Variants in TMEM132E observed in about 807,000 individuals in gnomAD.
TMEM132E encodes the protein transmembrane protein 132E.
In TMEM132E, 49 loss-of-function variants were observed where a neutral mutation model predicts 78.5. The observed-to-expected ratio is 0.62, with a 90% CI of 0.50 to 0.79. TMEM132E has a LOEUF of 0.79. Among genes scored for constraint, TMEM132E ranks in the 30% least tolerant of loss-of-function variants. TMEM132E has a pLI of 0.00. For synonymous variants in TMEM132E, 715 were observed against 670.6 expected (o/e 1.07, Z -1.02); for missense variants, 1,403 against 1,470.9 (o/e 0.95, Z 0.75).
chr17:34,602,781 A>G (rs760304799), intron 1 of TMEM132E, among the ~76,000 whole-genome samples: 6 of 152,214 alleles, frequency 3.9e-5, no homozygotes, highest in Non-Finnish European at 8.8e-5. Flanking sequence ...TCCACGAAGG[A>G]GAGAATTAGC....
In TMEM132E at chr17:34,581,968, C is replaced by T. The variant is rs911439352; in HGVS notation, c.67+825C>T. On this transcript the variant is annotated intron_variant, in intron 1 of 8. Transcript: ENST00000631683. ...CAGCCCCCAAGAATGGGAAATCAGA[C>T]CAGAGGGAAGGAGGCTGCAGCGGGC... 2.0e-5 allele frequency among the ~76,000 whole-genome samples: 3 copies of T among 152,076 alleles called. No individual in the cohort carries two copies. In the East Asian group the frequency reaches 5.9e-4, roughly 30 times the overall value.
At chr17:34,625,316 G>A (rs1013985495) in intron 1 of TMEM132E, among the ~76,000 whole-genome samples, 2 of 152,108 alleles carry the variant, frequency 1.3e-5, no homozygotes, top group Non-Finnish European at 2.9e-5. Context: ...GGGAGACTGA[G>A]GATAAAATTT....
At position 34,633,469 on chromosome 17, in the gene TMEM132E, G is replaced by A. The variant is rs111893987; in HGVS notation, c.1688+560G>A. 3.6e-3 allele frequency among the ~76,000 whole-genome samples: 542 copies of A among 152,370 alleles called. 7 individuals carry two copies. The highest frequency in any genetic ancestry group is 0.013 in the African/African-American group (523 of 41,594). On this transcript the variant is annotated intron_variant, in intron 6 of 8. Transcript: ENST00000631683. ...GTGACTCATACCCAGGCTCCCTTGC[G>A]GGCTTGTAGGCTCAGGCACCTGGGT...
intron 8 of TMEM132E, 105 bp from the exon 9 acceptor site, chr17:34,637,072 G>T: frequency 1.0e-6 from 1 of 974,342 alleles, no homozygotes; most frequent in South Asian, 1.6e-5. Context: ...ATACAGCAGG[G>T]AGCCAGAGAC....
chr17:34,638,983 G>T lies in TMEM132E; in HGVS notation c.*751G>T, dbSNP rs143556170. The T allele has an allele frequency of 2.5e-3, 382 of 152,744 alleles. 5 individuals carry two copies. The East Asian group carries it at 0.049, about 19-fold the overall frequency. 9.5% of individuals were successfully genotyped at this position (152,744 alleles called of 1,614,324 possible). ...AATCACACCCCAGAGCCAGAGGCCT[G>T]GGGACCTCCTTGCCTTCCCCGTCCC... On this transcript the variant is annotated 3_prime_UTR_variant, in exon 9 of 9. Coordinates refer to ENST00000631683, the MANE Select transcript of TMEM132E (RefSeq NM_001304438.2).
intron 1 of TMEM132E, among the ~76,000 whole-genome samples, chr17:34,613,172 T>TACA (rs1416893742): frequency 1.1e-3 from 120 of 112,466 alleles, no homozygotes; most frequent in South Asian, 2.9e-3. Context: ...TCTCTCTCTC[T>TACA]CTACACACAC....
chr17:34,632,044 G>T (rs1479697818), intron 5 of TMEM132E, among the ~76,000 whole-genome samples: 1 of 152,194 alleles, frequency 6.6e-6, no homozygotes, highest in Non-Finnish European at 1.5e-5. Context: ...AGGTGGGCAG[G>T]CATTTACAAC....
intron 1 of TMEM132E, among the ~76,000 whole-genome samples, chr17:34,599,041 A>T (rs1321195624): frequency 6.6e-6 from 1 of 152,236 alleles, no homozygotes; most frequent in Non-Finnish European, 1.5e-5. Context: ...GGATGAAAAT[A>T]ACTAGCACTG....
intron 1 of TMEM132E, among the ~76,000 whole-genome samples, chr17:34,605,191 C>A (rs530899413): frequency 1.2e-4 from 18 of 152,294 alleles, no homozygotes; most frequent in African/African-American, 3.6e-4. Flanking sequence ...GATTCAGGTC[C>A]CTTGTCACCT....
intron 6 of TMEM132E, among the ~76,000 whole-genome samples, chr17:34,634,078 T>C (rs1186443876): frequency 3.9e-5 from 6 of 152,238 alleles, no homozygotes; most frequent in Non-Finnish European, 1.5e-5. Flanking sequence ...TGAATGAATA[T>C]TCTGGTTGCT....
rs559404015 is a variant in TMEM132E, at chr17:34,629,060, G to A, written c.1194G>A (p.Glu398=). ...LEILQLDFEM[E]NFTSQSVKRR... is the part of the protein sequence containing the mutation. ...TCTTGCAGCTGGACTTTGAAATGGAGAACTTCACCAGCCAGTCAGTCAAGC... is the reference window on the plus strand; with the variant it reads ...TCTTGCAGCTGGACTTTGAAATGGAAAACTTCACCAGCCAGTCAGTCAAGC... Residue 398 remains glutamate (E), a synonymous_variant, in exon 4 of 9, where the codon GAG becomes GAA. Transcript: ENST00000631683. 6 of 1,595,320 alleles carry A rather than the reference G, an allele frequency of 3.8e-6. No individual in the cohort carries two copies. The highest frequency in any genetic ancestry group is 2.3e-5 in the East Asian group (1 of 44,336).
chr17:34,636,675 C>A (rs917111228), intron 8 of TMEM132E, among the ~76,000 whole-genome samples: 1 of 152,144 alleles, frequency 6.6e-6, no homozygotes. Context: ...CACTCCATCA[C>A]CCCAAGGCAA....
Position 34,588,068 on chromosome 17 carries a change from T to C in TMEM132E, c.67+6925T>C, listed in dbSNP as rs371269252. ...AGGGCCCACTGACCCTCCAGTTTCC[T>C]CTGAGCCTTTCTCTTCCCTTGCCCT... On this transcript the variant is annotated intron_variant, in intron 1 of 8. Coordinates refer to ENST00000631683, the MANE Select transcript of TMEM132E (RefSeq NM_001304438.2). Among the ~76,000 whole-genome samples the C allele has an allele frequency of 3.9e-4, 60 of 152,342 alleles. 2 individuals carry two copies. The South Asian group carries it at 0.011, about 29-fold the overall frequency.
At chr17:34,597,544 G>A (rs1276818309) in intron 1 of TMEM132E, among the ~76,000 whole-genome samples, 1 of 152,084 alleles carries the variant, frequency 6.6e-6, no homozygotes, top group African/African-American at 2.4e-5. Context: ...TTCTGCAGAT[G>A]CGGTCCCTTT....
At chr17:34,633,765 G>A (rs932518019) in intron 6 of TMEM132E, among the ~76,000 whole-genome samples, 1 of 152,200 alleles carries the variant, frequency 6.6e-6, no homozygotes, top group African/African-American at 2.4e-5. Flanking sequence ...ATCACCTGGG[G>A]ATCTCAGTAA....
Position 34,606,007 on chromosome 17 carries a change from T to C in TMEM132E, c.68-20120T>C, listed in dbSNP as rs77284844. 4.7e-3 allele frequency among the ~76,000 whole-genome samples: 721 copies of C among 152,250 alleles called. 38 individuals are homozygous for C. In the East Asian group the frequency reaches 0.11, roughly 24 times the overall value. Reference sequence around the variant, plus strand: ...GTAGATTCCACCTACAACAAAGCCATGGCAGGAGTATGGCCGGGTCATGCT... The same window carrying C: ...GTAGATTCCACCTACAACAAAGCCACGGCAGGAGTATGGCCGGGTCATGCT... On this transcript the variant is annotated intron_variant, in intron 1 of 8. Transcript: ENST00000631683.
chr17:34,584,596 T>A (rs1480441541), intron 1 of TMEM132E, among the ~76,000 whole-genome samples: 2 of 152,168 alleles, frequency 1.3e-5, no homozygotes, highest in African/African-American at 4.8e-5. Flanking sequence ...GGCTCTCCAG[T>A]GTTTGACACA....
At chr17:34,628,282 T>A (rs1907224496) in intron 2 of TMEM132E, among the ~76,000 whole-genome samples, 1 of 152,170 alleles carries the variant, frequency 6.6e-6, no homozygotes, top group Non-Finnish European at 1.5e-5. Flanking sequence ...GCAGAAGTAG[T>A]GAGTCCCCTG....
intron 1 of TMEM132E, among the ~76,000 whole-genome samples, chr17:34,582,637 C>G (rs10445404): frequency 0.23 from 35,126 of 151,458 alleles, 5,154 homozygotes; most frequent in Non-Finnish European, 0.32. Flanking sequence ...GGGAGCATAG[C>G]GGGGAACCAG....
Sources: allele counts gnomAD v4.1 joint callset (sites outside exome capture counted in the v4.1 genomes callset), GRCh38; gene constraint gnomAD v4.1.1; transcripts MANE v1.5; gene names NCBI Gene and HGNC (gene_info 2026-07-23, HGNC 2026-07-21).